Variants in TMC1 observed in about 807,000 individuals in gnomAD.
The protein encoded by TMC1 is transmembrane channel like 1, also known as transmembrane channel-like protein 1.
In TMC1, 84 loss-of-function variants were observed where a neutral mutation model predicts 105.8. The observed-to-expected ratio is 0.79, with a 90% confidence interval of 0.67 to 0.95. The LOEUF (loss-of-function observed/expected upper bound fraction) is 0.95, where lower values mean the gene tolerates loss of function less well. Ranked by LOEUF, TMC1 falls within the 40% of genes least tolerant of loss-of-function variation. The probability of loss-of-function intolerance (pLI) is 0.00; values close to 1 mark genes in which losing one functional copy is unlikely to be tolerated. For synonymous variants in TMC1, 315 were observed against 311.5 expected, an observed-to-expected ratio of 1.01 and a Z score of -0.12; for missense variants, 817 against 914.1, an observed-to-expected ratio of 0.89 and a Z score of 1.37.
At chr9:72,576,250 G>T (rs1224964212) in intron 1 of TMC1, among the ~76,000 whole-genome samples, 12 of 152,178 alleles carry the variant, frequency 7.9e-5, no homozygotes. Flanking sequence ...AGTTGGCCAA[G>T]AGGGTAAAAA....
chr9:72,592,149 C>G (rs1325763952), intron 2 of TMC1, among the ~76,000 whole-genome samples: 2 of 152,160 alleles, frequency 1.3e-5, no homozygotes, highest in African/African-American at 4.8e-5. Context: ...AGGACTCTTA[C>G]AGTTTTCTGA....
intron 8 of TMC1, among the ~76,000 whole-genome samples, chr9:72,707,084 A>T (rs2117893749): frequency 6.6e-6 from 1 of 152,212 alleles, no homozygotes; most frequent in South Asian, 2.1e-4. Flanking sequence ...CCAAATGCCA[A>T]TATTTCACTC....
intron 4 of TMC1, among the ~76,000 whole-genome samples, chr9:72,643,244 T>A (rs1338866543): frequency 6.6e-6 from 1 of 152,090 alleles, no homozygotes; most frequent in Non-Finnish European, 1.5e-5. Flanking sequence ...GTTTATTTCA[T>A]AACATACTCT....
rs114987752 is a variant in TMC1 at position 72,695,067 on chromosome 9, A to C, written c.236+353A>C. On this transcript the variant is annotated intron_variant, in intron 7 of 23. Transcript: ENST00000297784. ...CTAAATAGTGAGCAAACATCACTTT[A>C]TCTTACAGAGCAGGGGTTGGAAAAT... 3.1e-3 allele frequency among the ~76,000 whole-genome samples: 473 copies of C among 152,292 alleles called. 3 individuals carry two copies. Among genetic ancestry groups the C allele is most frequent in the African/African-American group, 0.011 (452 of 41,576 alleles).
chr9:72,769,817 C>T (rs915862081), intron 12 of TMC1, among the ~76,000 whole-genome samples: 1 of 152,110 alleles, frequency 6.6e-6, no homozygotes, highest in Non-Finnish European at 1.5e-5. Flanking sequence ...AAAACAGAGA[C>T]ATTTGGAAGT....
intron 5 of TMC1, among the ~76,000 whole-genome samples, chr9:72,662,191 C>T (rs1351367200): frequency 7.1e-6 from 1 of 141,534 alleles, no homozygotes; most frequent in Non-Finnish European, 1.5e-5. Flanking sequence ...TTTTCTTTTT[C>T]TTTTTTTTTT....
At chr9:72,604,117 A>G (rs1824870535) in intron 2 of TMC1, among the ~76,000 whole-genome samples, 3 of 152,116 alleles carry the variant, frequency 2.0e-5, no homozygotes. Flanking sequence ...GATTGTAATG[A>G]GAGAACAGGC....
intron 18 of TMC1, among the ~76,000 whole-genome samples, chr9:72,815,408 G>C (rs1029447109): frequency 1.1e-4 from 16 of 151,892 alleles, no homozygotes; most frequent in African/African-American, 3.9e-4. Flanking sequence ...TATTTCTTTT[G>C]CTGTATTTAC....
At chr9:72,566,471 G>A (rs1824155704) in intron 1 of TMC1, among the ~76,000 whole-genome samples, 1 of 151,838 alleles carries the variant, frequency 6.6e-6, no homozygotes, top group African/African-American at 2.4e-5. Context: ...CAGGGTTGGG[G>A]TGGGTGGGAA....
rs763972600 is a variant in TMC1 at position 72,830,654 on chromosome 9, A to C, written c.2232A>C (p.Arg744=). The C allele has an allele frequency of 3.1e-6, 5 of 1,613,692 alleles. No individual in the cohort carries two copies. In the Admixed American group the frequency reaches 8.3e-5, roughly 27 times the overall value. Residue 744 remains arginine, a synonymous_variant, in exon 23 of 24, where the codon CGA becomes CGC. Coordinates refer to ENST00000297784, the MANE Select transcript of TMC1 (RefSeq NM_138691.3). ...MKMQALENKM[R]NKKMAAARAA... is the part of the protein sequence containing the mutation. Reference sequence around the variant, plus strand: ...AGCAAGCTTTGGAGAACAAAATGCGAAACAAGAAAATGGCAGCTGCACGAG... The same window carrying C: ...AGCAAGCTTTGGAGAACAAAATGCGCAACAAGAAAATGGCAGCTGCACGAG...
intron 5 of TMC1, among the ~76,000 whole-genome samples, chr9:72,677,203 C>T (rs1405190360): frequency 6.6e-6 from 1 of 151,718 alleles, no homozygotes; most frequent in Admixed American, 6.6e-5. Context: ...TCAAAATCTG[C>T]AGGCCAAAGG....
chr9:72,713,939 A>G (rs1192477686), intron 8 of TMC1, among the ~76,000 whole-genome samples: 6 of 152,056 alleles, frequency 3.9e-5, no homozygotes, highest in South Asian at 4.1e-4. Flanking sequence ...ACTGCTTTCA[A>G]TGTGTCCCAG....
chr9:72,747,953 A>G (rs1057021439), intron 10 of TMC1, among the ~76,000 whole-genome samples: 1 of 152,208 alleles, frequency 6.6e-6, no homozygotes, highest in African/African-American at 2.4e-5. Context: ...CAGTCTGATT[A>G]AAGAAATAAG....
At chr9:72,773,760 G>A (rs1039693272) in intron 13 of TMC1, among the ~76,000 whole-genome samples, 12 of 152,286 alleles carry the variant, frequency 7.9e-5, no homozygotes, top group African/African-American at 2.6e-4. Flanking sequence ...CAGTGGAGAA[G>A]AATAGTTTCT....
intron 5 of TMC1, among the ~76,000 whole-genome samples, chr9:72,666,054 T>C (rs922992155): frequency 2.0e-5 from 3 of 152,198 alleles, no homozygotes; most frequent in African/African-American, 7.2e-5. Context: ...ATAAATGTTT[T>C]AGTGAGAAGG....
chr9:72,645,678 G>A (rs2132147510), intron 4 of TMC1, among the ~76,000 whole-genome samples: 1 of 152,250 alleles, frequency 6.6e-6, no homozygotes, highest in Middle Eastern at 3.4e-3. Flanking sequence ...CCTGTTCATT[G>A]TCACGAAACA....
chr9:72,655,727 C>T, intron 5 of TMC1: 1 of 440,174 alleles, frequency 2.3e-6, no homozygotes, highest in South Asian at 2.3e-5. Flanking sequence ...GGGCGACAGA[C>T]CGAGAATCCG....
intron 2 of TMC1, among the ~76,000 whole-genome samples, chr9:72,606,433 G>A (rs1260831296): frequency 6.6e-6 from 1 of 152,096 alleles, no homozygotes; most frequent in African/African-American, 2.4e-5. Context: ...CACTAACCCT[G>A]GTAAAACATG....
intron 10 of TMC1, among the ~76,000 whole-genome samples, chr9:72,750,061 T>A (rs1157938572): frequency 2.6e-5 from 4 of 152,014 alleles, no homozygotes; most frequent in Non-Finnish European, 5.9e-5. Flanking sequence ...GAGCCAAGAT[T>A]GCGCCACTGC....
Sources: gnomAD v4.1 joint callset for allele counts (sites outside exome capture counted in the v4.1 genomes callset) on GRCh38, gnomAD v4.1.1 for gene constraint, MANE v1.5 for transcripts, NCBI Gene and HGNC (gene_info 2026-07-23, HGNC 2026-07-21) for gene names.